EXOC6B: variants seen among roughly 807,000 people sequenced by gnomAD.
EXOC6B encodes exocyst complex component 6B.
Under a neutral mutation model 113.5 loss-of-function variants are expected in EXOC6B, and 54 were observed. That is an observed-to-expected ratio of 0.48 (90% CI 0.38 to 0.60). EXOC6B has a LOEUF of 0.60. Among genes scored for constraint, EXOC6B ranks in the 20% least tolerant of loss-of-function variants. EXOC6B has a pLI of 0.00. For synonymous variants in EXOC6B, 357 were observed against 339.0 expected (o/e 1.05, Z -0.58); for missense variants, 797 against 977.5 (o/e 0.82, Z 2.46).
intron 18 of EXOC6B, among the ~76,000 whole-genome samples, chr2:72,439,196 T>A (rs952637408): frequency 6.6e-6 from 1 of 152,154 alleles, no homozygotes; most frequent in Non-Finnish European, 1.5e-5. Flanking sequence ...ATATGTAAGG[T>A]TTTTTAAAGA....
intron 17 of EXOC6B, among the ~76,000 whole-genome samples, chr2:72,478,351 T>C (rs1698877543): frequency 6.6e-6 from 1 of 152,172 alleles, no homozygotes; most frequent in Non-Finnish European, 1.5e-5. Flanking sequence ...TTAAAGACCT[T>C]CAGACTCTTT....
chr2:72,515,353 C>A (rs2105686539), intron 8 of EXOC6B: 1 of 1,027,644 alleles, frequency 9.7e-7, no homozygotes, highest in Non-Finnish European at 1.3e-6. Flanking sequence ...TTACAAGGAA[C>A]CTACCAGAAC....
intron 18 of EXOC6B, among the ~76,000 whole-genome samples, chr2:72,410,966 T>C (rs1694141868): frequency 6.6e-6 from 1 of 152,166 alleles, no homozygotes; most frequent in African/African-American, 2.4e-5. Flanking sequence ...CCCAGTACTT[T>C]GGGAGGCCAA....
intron 16 of EXOC6B, among the ~76,000 whole-genome samples, chr2:72,485,345 T>A (rs909515886): frequency 5.3e-5 from 8 of 152,166 alleles, no homozygotes; most frequent in African/African-American, 1.4e-4. Context: ...GACAATTCAG[T>A]ACAATAAACC....
chr2:72,592,588 A>G (rs893334994), intron 6 of EXOC6B, among the ~76,000 whole-genome samples: 2 of 152,164 alleles, frequency 1.3e-5, no homozygotes, highest in African/African-American at 4.8e-5. Context: ...AAAAGATACC[A>G]TCATCCCAGA....
intron 18 of EXOC6B, among the ~76,000 whole-genome samples, chr2:72,412,248 A>T (rs1332592311): frequency 6.6e-6 from 1 of 152,218 alleles, no homozygotes; most frequent in Non-Finnish European, 1.5e-5. Flanking sequence ...AAAACAATGA[A>T]ATATTATCTG....
chr2:72,610,175 C>G (rs906140077), intron 6 of EXOC6B, among the ~76,000 whole-genome samples: 15 of 151,982 alleles, frequency 9.9e-5, no homozygotes, highest in African/African-American at 3.6e-4. Flanking sequence ...AATCTCAGAA[C>G]AAAGCATATT....
At chr2:72,788,454 T>C (rs1239707288) in intron 1 of EXOC6B, among the ~76,000 whole-genome samples, 1 of 152,092 alleles carries the variant, frequency 6.6e-6, no homozygotes, top group African/African-American at 2.4e-5. Context: ...AACCATGAGG[T>C]ATCGAATCTG....
chr2:72,624,076 T>C (rs756624086), intron 6 of EXOC6B, among the ~76,000 whole-genome samples: 1 of 152,140 alleles, frequency 6.6e-6, no homozygotes, highest in Non-Finnish European at 1.5e-5. Context: ...GAAGCTAAAA[T>C]AAAGGATGAA....
At chr2:72,337,778 T>C (rs1688775125) in intron 19 of EXOC6B, among the ~76,000 whole-genome samples, 1 of 152,206 alleles carries the variant, frequency 6.6e-6, no homozygotes, top group African/African-American at 2.4e-5. Flanking sequence ...AACTTCATAT[T>C]TGTATTTTTT....
chr2:72,576,140 G>C (rs1704839442), intron 6 of EXOC6B, among the ~76,000 whole-genome samples: 2 of 152,042 alleles, frequency 1.3e-5, no homozygotes, highest in Non-Finnish European at 2.9e-5. Flanking sequence ...AATACATTTA[G>C]GCTTAAGAGA....
chr2:72,343,063 C>T (rs1689128270), intron 19 of EXOC6B, among the ~76,000 whole-genome samples: 1 of 152,034 alleles, frequency 6.6e-6, no homozygotes, highest in African/African-American at 2.4e-5. Flanking sequence ...TCTTTTACAA[C>T]CTTGGTTAAT....
intron 17 of EXOC6B, among the ~76,000 whole-genome samples, chr2:72,479,473 C>T (rs2105481331): frequency 6.6e-6 from 1 of 152,144 alleles, no homozygotes. Context: ...CTACAGGGGA[C>T]ATAAATCATG....
intron 6 of EXOC6B, among the ~76,000 whole-genome samples, chr2:72,590,575 A>T (rs1015092511): frequency 3.3e-5 from 5 of 152,058 alleles, no homozygotes; most frequent in Non-Finnish European, 5.9e-5. Flanking sequence ...CTTAAAATTA[A>T]AATCATTCAC....
At chr2:72,525,490 G>GAAC (rs1033281016) in intron 8 of EXOC6B, among the ~76,000 whole-genome samples, 1 of 151,954 alleles carries the variant, frequency 6.6e-6, no homozygotes, top group South Asian at 2.1e-4. Flanking sequence ...TACCTGGCTA[G>GAAC]AACAACAACA....
intron 18 of EXOC6B, among the ~76,000 whole-genome samples, chr2:72,441,366 C>A (rs1489086142): frequency 1.3e-5 from 2 of 151,364 alleles, no homozygotes; most frequent in East Asian, 3.9e-4. Flanking sequence ...AATCCCAAAG[C>A]TAGCAGAAGA....
At chr2:72,292,641 A>G (rs1425571971) in intron 20 of EXOC6B, among the ~76,000 whole-genome samples, 1 of 152,128 alleles carries the variant, frequency 6.6e-6, no homozygotes, top group African/African-American at 2.4e-5. Context: ...GAACTGTTGC[A>G]TCATCATAAA....
At chr2:72,412,408 G>A (rs185389459) in intron 18 of EXOC6B, among the ~76,000 whole-genome samples, 1 of 152,322 alleles carries the variant, frequency 6.6e-6, no homozygotes, top group Non-Finnish European at 1.5e-5. Context: ...AGCCCACAGA[G>A]TATGCATAGT....
intron 21 of EXOC6B, among the ~76,000 whole-genome samples, chr2:72,183,134 G>A (rs1678198870): frequency 6.6e-6 from 1 of 151,972 alleles, no homozygotes; most frequent in African/African-American, 2.4e-5. Context: ...TCTGCTTAAG[G>A]CTCCACTCTG....
Sources: gnomAD v4.1 joint callset for allele counts (sites outside exome capture counted in the v4.1 genomes callset) on GRCh38, gnomAD v4.1.1 for gene constraint, MANE v1.5 for transcripts, NCBI Gene and HGNC (gene_info 2026-07-23, HGNC 2026-07-21) for gene names.